HTR1F: variants seen among roughly 807,000 people sequenced by gnomAD.
The protein encoded by HTR1F is 5-hydroxytryptamine receptor 1F.
In HTR1F, 17 loss-of-function variants were observed where a neutral mutation model predicts 24.0. That is an observed-to-expected ratio of 0.71 (90% CI 0.48 to 1.06). The LOEUF is 1.06. Among genes scored for constraint, HTR1F ranks in the 50% least tolerant of loss-of-function variants. The probability of loss-of-function intolerance (pLI) is 0.00; values close to 1 mark genes in which losing one functional copy is unlikely to be tolerated. For synonymous variants in HTR1F, 186 were observed against 156.8 expected (o/e 1.19, Z -1.39); for missense variants, 391 against 427.8 (o/e 0.91, Z 0.76).
At chr3:87,835,073 A>G (rs1559599212) in intron 2 of HTR1F, among the ~76,000 whole-genome samples, 2 of 152,190 alleles carry the variant, frequency 1.3e-5, no homozygotes, top group African/African-American at 2.4e-5. Flanking sequence ...CTCCAAATTC[A>G]ATGCCATTTT....
intron 2 of HTR1F, among the ~76,000 whole-genome samples, chr3:87,825,430 G>A (rs545325317): frequency 6.6e-6 from 1 of 152,130 alleles, no homozygotes; most frequent in South Asian, 2.1e-4. Flanking sequence ...ATGTACTATT[G>A]CTTTCATGTC....
chr3:87,834,338 C>T (rs973027645), intron 2 of HTR1F, among the ~76,000 whole-genome samples: 1 of 151,792 alleles, frequency 6.6e-6, no homozygotes, highest in Non-Finnish European at 1.5e-5. Flanking sequence ...CACAAATACT[C>T]ATATAAATAC....
At chr3:87,804,330 G>A (rs549072984) in intron 1 of HTR1F, among the ~76,000 whole-genome samples, 54 of 152,016 alleles carry the variant, frequency 3.6e-4, no homozygotes, top group African/African-American at 1.3e-3. Flanking sequence ...CCAGCTATTC[G>A]GGAGGCTGAA....
intron 2 of HTR1F, among the ~76,000 whole-genome samples, chr3:87,878,971 T>C (rs1034716814): frequency 1.3e-5 from 2 of 152,162 alleles, no homozygotes; most frequent in Non-Finnish European, 2.9e-5. Context: ...TAAATAACTG[T>C]TATGTATATG....
intron 2 of HTR1F, among the ~76,000 whole-genome samples, chr3:87,845,637 T>C (rs895269001): frequency 2.0e-5 from 3 of 151,160 alleles, no homozygotes; most frequent in Non-Finnish European, 4.4e-5. Flanking sequence ...AGAATCAATA[T>C]CATGAAAATG....
intron 2 of HTR1F, among the ~76,000 whole-genome samples, chr3:87,901,138 C>A (rs1706312124): frequency 6.6e-6 from 1 of 152,106 alleles, no homozygotes; most frequent in African/African-American, 2.4e-5. Context: ...TATACTGGCT[C>A]AATTAAACAT....
At chr3:87,840,322 T>C (rs186110230) in intron 2 of HTR1F, among the ~76,000 whole-genome samples, 19 of 152,256 alleles carry the variant, frequency 1.2e-4, no homozygotes, top group Admixed American at 1.0e-3. Flanking sequence ...AACAGATATA[T>C]GGAAAAATGC....
At chr3:87,916,856 C>A (rs1395080417) in intron 2 of HTR1F, among the ~76,000 whole-genome samples, 3 of 152,082 alleles carry the variant, frequency 2.0e-5, no homozygotes, top group Non-Finnish European at 2.9e-5. Flanking sequence ...TACCCTGGAA[C>A]AAAGGGACTT....
intron 1 of HTR1F, chr3:87,793,408 G>C (rs1703850348): frequency 6.6e-6 from 1 of 152,116 alleles, no homozygotes; most frequent in Non-Finnish European, 1.5e-5. Flanking sequence ...ATTTCCCGCG[G>C]GTACGAACCA....
chr3:87,879,447 G>A (rs1575978778), intron 2 of HTR1F, among the ~76,000 whole-genome samples: 1 of 152,106 alleles, frequency 6.6e-6, no homozygotes, highest in Non-Finnish European at 1.5e-5. Context: ...TTCCTTATGT[G>A]TGAAATCACT....
chr3:87,886,655 A>T (rs974968885), intron 2 of HTR1F, among the ~76,000 whole-genome samples: 2 of 152,184 alleles, frequency 1.3e-5, no homozygotes, highest in African/African-American at 4.8e-5. Flanking sequence ...CAGGATACAA[A>T]ATCAATGTGC....
At chr3:87,821,267 T>G (rs960599523) in intron 1 of HTR1F, among the ~76,000 whole-genome samples, 4 of 152,202 alleles carry the variant, frequency 2.6e-5, no homozygotes, top group African/African-American at 7.2e-5. Context: ...TATTTTTGTA[T>G]GAATCTTTTA....
At chr3:87,904,838 G>A (rs565214003) in intron 2 of HTR1F, among the ~76,000 whole-genome samples, 2 of 152,130 alleles carry the variant, frequency 1.3e-5, no homozygotes, top group Admixed American at 6.6e-5. Flanking sequence ...TTTGTGGAGA[G>A]GTTGGAGTGA....
intron 2 of HTR1F, among the ~76,000 whole-genome samples, chr3:87,854,845 T>TG (rs1016023751): frequency 2.8e-4 from 42 of 152,182 alleles, no homozygotes; most frequent in African/African-American, 8.7e-4. Flanking sequence ...TCATATCTAT[T>TG]AACTTTTTGT....
intron 2 of HTR1F, among the ~76,000 whole-genome samples, chr3:87,987,952 A>T (rs1301292965): frequency 1.3e-5 from 2 of 151,256 alleles, no homozygotes; most frequent in African/African-American, 2.4e-5. Context: ...ATAGCATGAA[A>T]TTCAGAGGAC....
chr3:87,938,986 G>A (rs1038098306), intron 2 of HTR1F, among the ~76,000 whole-genome samples: 2 of 152,128 alleles, frequency 1.3e-5, no homozygotes, highest in African/African-American at 4.8e-5. Context: ...TATCAACAGA[G>A]TAAGCAAATA....
At chr3:87,855,318 A>G (rs566998238) in intron 2 of HTR1F, among the ~76,000 whole-genome samples, 9 of 151,978 alleles carry the variant, frequency 5.9e-5, no homozygotes, top group Non-Finnish European at 1.2e-4. Context: ...CTTTTACCAT[A>G]ATATTAATCT....
At chr3:87,979,078 G>A (rs1224280963) in intron 2 of HTR1F, among the ~76,000 whole-genome samples, 2 of 6,288 alleles carry the variant, frequency 3.2e-4, no homozygotes, top group Non-Finnish European at 6.6e-4. Flanking sequence ...GGAGGGAGGG[G>A]GGGAGGAAGG....
At chr3:87,800,822 C>G (rs543241423) in intron 1 of HTR1F, among the ~76,000 whole-genome samples, 30 of 152,294 alleles carry the variant, frequency 2.0e-4, no homozygotes, top group African/African-American at 7.0e-4. Context: ...GGTACTCTGT[C>G]TATGGCATTT....
Sources: allele counts gnomAD v4.1 joint callset (sites outside exome capture counted in the v4.1 genomes callset), GRCh38; gene constraint gnomAD v4.1.1; transcripts MANE v1.5; gene names NCBI Gene and HGNC (gene_info 2026-07-23, HGNC 2026-07-21).